NBEAL2: variants seen among roughly 807,000 people sequenced by gnomAD.
NBEAL2 encodes neurobeachin-like protein 2.
NBEAL2 carries 160 observed loss-of-function variants against 299.8 expected under a neutral mutation model. The observed-to-expected ratio is 0.53, with a 90% CI of 0.47 to 0.61. The LOEUF (loss-of-function observed/expected upper bound fraction) is 0.61, where lower values mean the gene tolerates loss of function less well. Ranked by LOEUF, NBEAL2 falls within the 20% of genes least tolerant of loss-of-function variation. The pLI, the probability that NBEAL2 is intolerant of heterozygous loss-of-function variation, is 0.00. For synonymous variants in NBEAL2, 1,493 were observed against 1,542.3 expected (o/e 0.97, Z 0.75); for missense variants, 3,112 against 3,649.0 (o/e 0.85, Z 3.79).
In NBEAL2 at chr3:47,004,728, C is replaced by G; in HGVS notation, c.6294+138C>G. On this transcript the variant is annotated intron_variant, in intron 38 of 53. Coordinates refer to ENST00000450053, the MANE Select transcript of NBEAL2 (RefSeq NM_015175.3). This position sits in a 1 kb window ranked among gnomAD's most constrained non-coding sequence, Gnocchi z 5.0. ...AGATGTGCCAATGAAGACCTGGCCT[C>G]TGTTCCCTGCCAACCCCCAGAGGTC... is the stretch of plus-strand genomic sequence containing the variant. The G allele has an allele frequency of 1.1e-6, 1 of 905,508 alleles. No individual in the cohort carries two copies. Among genetic ancestry groups the G allele is most frequent in the Non-Finnish European group, 1.7e-6 (1 of 579,348 alleles). The allele number at this position is 905,508 out of a possible 1,614,324, so 56.1% of individuals were successfully genotyped here. A position where few individuals can be genotyped will look rare whatever the true frequency, so the allele number is the denominator to read the frequency against.
In NBEAL2 at chr3:46,996,572, T is replaced by G; in HGVS notation, c.2453T>G (p.Leu818Arg). Residue 818 changes from leucine (L) to arginine (R), a missense_variant, in exon 16 of 54, where the codon CTG becomes CGG. Leu to Arg is a moderately radical substitution (Grantham distance 102, BLOSUM62 -2). Around this residue, in one of 3 missense-constraint regions of NBEAL2, gnomAD observed 2,243 missense variants for 2,538.1 expected, o/e 0.88. Transcript: ENST00000450053. Reference sequence around the variant, plus strand: ...CACGAAGCCCTGCAGGCGACGGCTCTGAGGACCCTGTGCACCCTGGGTATG... The same window carrying G: ...CACGAAGCCCTGCAGGCGACGGCTCGGAGGACCCTGTGCACCCTGGGTATG... ...IFHEALQATALRTLCTLGPNE... is the reference protein window; with the variant it reads ...IFHEALQATARRTLCTLGPNE... The G allele has an allele frequency of 6.5e-7, 1 of 1,534,630 alleles. No individual in the cohort carries two copies. Among genetic ancestry groups the G allele is most frequent in the African/African-American group, 1.4e-5 (1 of 72,960 alleles).
intron 9 of NBEAL2, 74 bp from the exon 10 acceptor site, chr3:46,992,401 C>A: frequency 7.1e-7 from 1 of 1,407,848 alleles, no homozygotes; most frequent in Non-Finnish European, 9.8e-7. Flanking sequence ...TGGTCCTGCT[C>A]TAACCCCACC....
chr3:47,000,915 G>A lies in NBEAL2; in HGVS notation c.4306-86G>A. 1 of 1,536,574 alleles carries A rather than the reference G, an allele frequency of 6.5e-7. No individual in the cohort carries two copies. ...CCTGGGTGGCTACCCCAGGAGGGGT[G>A]CTGAGTGGGGATGGGTGGGCGTCAG... On this transcript the variant is annotated intron_variant, in intron 27 of 53. Transcript: ENST00000450053. This position sits in a 1 kb window ranked among gnomAD's most constrained non-coding sequence, Gnocchi z 4.5.
Position 47,002,264 on chromosome 3 carries a change from A to C in NBEAL2, c.5127A>C (p.Glu1709Asp), listed in dbSNP as rs776679703. ...TCCAGGCTTTTTGTGCCACACCCGA[A>C]TGGCGCCACTTCATCGACAAACAGG... ...EDFQAFCATPEWRHFIDKQVQ... is the reference protein window; with the variant it reads ...EDFQAFCATPDWRHFIDKQVQ... The change falls in exon 31 of 54, where the codon GAA becomes GAC. Residue 1709 changes from glutamate (E) to aspartate (D), a missense_variant. Coordinates refer to ENST00000450053, the MANE Select transcript of NBEAL2 (RefSeq NM_015175.3). The C allele has an allele frequency of 6.4e-7, 1 of 1,562,994 alleles. No individual in the cohort carries two copies. Among genetic ancestry groups the C allele is most frequent in the Admixed American group, 1.9e-5 (1 of 54,038 alleles).
chr3:46,984,167 G>A (rs899146200), intron 1 of NBEAL2, among the ~76,000 whole-genome samples: 12 of 148,150 alleles, frequency 8.1e-5, no homozygotes, highest in African/African-American at 2.2e-4. Flanking sequence ...TTAGCCAGGC[G>A]TGATGGCGAG....
rs372870343 is a variant in NBEAL2 at position 47,007,882 on chromosome 3, C to A, written c.7574C>A (p.Thr2525Lys). 5.6e-6 allele frequency: 9 copies of A among 1,613,392 alleles called. No individual in the cohort carries two copies. The African/African-American group carries it at 8.0e-5, about 14-fold the overall frequency. Reference protein sequence around the residue: ...IYLISGSRDTTCMVWRLLHQG... With the variant: ...IYLISGSRDTKCMVWRLLHQG... ...CTCATCTCAGGCTCCCGGGACACCACGTGCATGGTGTGGCGGCTCCTGCAT... is the reference window on the plus strand; with the variant it reads ...CTCATCTCAGGCTCCCGGGACACCAAGTGCATGGTGTGGCGGCTCCTGCAT... Residue 2525 changes from threonine (T) to lysine (K), a missense_variant, in exon 49 of 54, where the codon ACG becomes AAG. Physicochemically the swap from Thr to Lys is moderately conservative, Grantham distance 78 (BLOSUM62 -1). Coordinates refer to ENST00000450053, the MANE Select transcript of NBEAL2 (RefSeq NM_015175.3).
rs2037201300 is a variant in NBEAL2 at position 47,003,684 on chromosome 3, A to C, written c.5721-132A>C. The C allele has an allele frequency of 2.4e-6, 3 of 1,225,888 alleles. No individual in the cohort carries two copies. Among genetic ancestry groups the C allele is most frequent in the Non-Finnish European group, 3.3e-6 (3 of 898,228 alleles). The allele number at this position is 1,225,888 out of a possible 1,614,324, so 75.9% of individuals were successfully genotyped here. On this transcript the variant is annotated intron_variant, in intron 35 of 53. Transcript: ENST00000450053. This position sits in a 1 kb window ranked among gnomAD's most constrained non-coding sequence, Gnocchi z 7.0. ...CTGGGACCAGTAGGTTCTGGACCCTAGGCAGCCCCTCCCCATCTCTGGGAG... is the reference window on the plus strand; with the variant it reads ...CTGGGACCAGTAGGTTCTGGACCCTCGGCAGCCCCTCCCCATCTCTGGGAG...
Position 46,998,195 on chromosome 3 carries a change from C to G in NBEAL2, c.3087C>G (p.Leu1029=), listed in dbSNP as rs373998295. 6 of 1,610,462 alleles carry G rather than the reference C, an allele frequency of 3.7e-6. No homozygotes were observed. The highest frequency in any genetic ancestry group is 5.1e-6 in the Non-Finnish European group (6 of 1,178,550). The change falls in exon 21 of 54, where the codon CTC becomes CTG. Residue 1029 remains leucine, a synonymous_variant. Coordinates refer to ENST00000450053, the MANE Select transcript of NBEAL2 (RefSeq NM_015175.3). ...AGCATTTGCTCTTCAACTTTCACCT[C>G]TGGACCCTCAGTGACTTCGCCGTGC... ...LYQHLLFNFH[L]WTLSDFAVRL... is the part of the protein sequence containing the mutation.
In NBEAL2 at chr3:47,007,888, T is replaced by C. The variant is rs767213722; in HGVS notation, c.7580T>C (p.Met2527Thr). 6.2e-7 allele frequency: 1 copy of C among 1,613,354 alleles called. No individual in the cohort carries two copies. The highest frequency in any genetic ancestry group is 1.1e-5 in the South Asian group (1 of 90,942). The part of the protein sequence containing the change: ...LISGSRDTTC[M>T]VWRLLHQGGL... ...TCAGGCTCCCGGGACACCACGTGCA[T>C]GGTGTGGCGGCTCCTGCATCAGGTG... Residue 2527 changes from methionine to threonine, a missense_variant, in exon 49 of 54, where the codon ATG becomes ACG. By Grantham distance (81) the Met-to-Thr change is moderately conservative (BLOSUM62 -1). Around this residue, in one of 3 missense-constraint regions of NBEAL2, gnomAD observed 348 missense variants for 381.4 expected, o/e 0.91. Coordinates refer to ENST00000450053, the MANE Select transcript of NBEAL2 (RefSeq NM_015175.3).
At position 46,999,957 on chromosome 3, in the gene NBEAL2, T is replaced by C. The variant is rs1420814186; in HGVS notation, c.3858T>C (p.Asp1286=). 1 of 1,611,804 alleles carries C rather than the reference T, an allele frequency of 6.2e-7. No individual in the cohort carries two copies. Among genetic ancestry groups the C allele is most frequent in the South Asian group, 1.1e-5 (1 of 91,068 alleles). ...TGGCCCGACAGGCTGGCTGGCAAGATGTGCTGACCCGGCTATATGTCCTGG... is the reference window on the plus strand; with the variant it reads ...TGGCCCGACAGGCTGGCTGGCAAGACGTGCTGACCCGGCTATATGTCCTGG... ...RLLARQAGWQ[D]VLTRLYVLEA... Residue 1286 remains aspartate (D), a synonymous_variant, in exon 27 of 54, where the codon GAT becomes GAC. Transcript: ENST00000450053.
At position 46,991,965 on chromosome 3, in the gene NBEAL2, G is replaced by C. The variant is rs1368685889; in HGVS notation, c.1032+19G>C. 1 of 1,572,680 alleles carries C rather than the reference G, an allele frequency of 6.4e-7. No individual in the cohort carries two copies. The highest frequency in any genetic ancestry group is 1.4e-5 in the African/African-American group (1 of 73,942). ...CAGCAAGGTGGGTAGGGCCCAGCCT[G>C]GGGGTGAGGGTCTGGAAGCCAGAGG... On this transcript the variant is annotated intron_variant, in intron 9 of 53. Coordinates refer to ENST00000450053, the MANE Select transcript of NBEAL2 (RefSeq NM_015175.3). This position sits in a 1 kb window ranked among gnomAD's most constrained non-coding sequence, Gnocchi z 6.2.
At chr3:46,980,062 A>G (rs1489551670) in intron 1 of NBEAL2, 150 bp downstream of exon 1, 1 of 157,934 alleles carries the variant, frequency 6.3e-6, no homozygotes, top group Non-Finnish European at 1.4e-5. Flanking sequence ...CCGGCTCCGC[A>G]CACACGTGTG....
At chr3:47,006,979 C>A (rs1165698636) in intron 45 of NBEAL2, 87 bp from the exon 46 acceptor site, 2 of 1,120,018 alleles carry the variant, frequency 1.8e-6, no homozygotes, top group East Asian at 2.5e-5. Flanking sequence ...TGGGGACTGA[C>A]AGTAAAGGAA....
In NBEAL2 at chr3:47,000,525, G is replaced by A; in HGVS notation, c.4305+121G>A. The stretch of plus-strand genomic sequence containing the variant: ...CTGTCTGACCAGGGTTGCAGCCACT[G>A]GTCAGGCCTATTGCTGTCCCCTCAT... On this transcript the variant is annotated intron_variant, in intron 27 of 53. Transcript: ENST00000450053. This position sits in a 1 kb window ranked among gnomAD's most constrained non-coding sequence, Gnocchi z 4.5. 1 of 1,290,668 alleles carries A rather than the reference G, an allele frequency of 7.7e-7. No homozygotes were observed. Among genetic ancestry groups the A allele is most frequent in the South Asian group, 1.5e-5 (1 of 67,008 alleles). The allele number at this position is 1,290,668 out of a possible 1,614,324, so 80.0% of individuals were successfully genotyped here. A position where few individuals can be genotyped will look rare whatever the true frequency, so the allele number is the denominator to read the frequency against.
At chr3:46,993,757 C>T (rs2036273394) in intron 10 of NBEAL2, among the ~76,000 whole-genome samples, 180 bp from the exon 11 acceptor site, 1 of 152,154 alleles carries the variant, frequency 6.6e-6, no homozygotes, top group Admixed American at 6.5e-5. Context: ...GGCCCTAGGT[C>T]ATGATAGGGT....
At position 47,002,625 on chromosome 3, in the gene NBEAL2, A is replaced by G; in HGVS notation, c.5302-20A>G. Reference sequence around the variant, plus strand: ...AGGGCAGGCAGCAGCCAGGGGACTGACCTATTACCCCCACCCCAGGAGCTG... The same window carrying G: ...AGGGCAGGCAGCAGCCAGGGGACTGGCCTATTACCCCCACCCCAGGAGCTG... On this transcript the variant is annotated intron_variant, in intron 32 of 53. Transcript: ENST00000450053. 1 of 1,608,404 alleles carries G rather than the reference A, an allele frequency of 6.2e-7. No individual in the cohort carries two copies. The highest frequency in any genetic ancestry group is 8.5e-7 in the Non-Finnish European group (1 of 1,178,258).
chr3:47,008,420 G>C lies in NBEAL2; in HGVS notation c.7857G>C (p.Ala2619=). The change falls in exon 51 of 54, where the codon GCG becomes GCC. Residue 2619 remains alanine, a synonymous_variant. Coordinates refer to ENST00000450053, the MANE Select transcript of NBEAL2 (RefSeq NM_015175.3). ...SEGQIVVQSS[A]WERPGAQVTY... ...GCCAGATTGTGGTACAGAGCTCAGC[G>C]TGGGAACGTCCTGGGGCCCAGGTAT... is the stretch of plus-strand genomic sequence containing the variant. 1.2e-6 allele frequency: 2 copies of C among 1,613,446 alleles called. No individual in the cohort carries two copies. Among genetic ancestry groups the C allele is most frequent in the South Asian group, 2.2e-5 (2 of 91,084 alleles).
rs752122504 is a variant in NBEAL2, at chr3:47,004,219, G to A, written c.6024G>A (p.Thr2008=). 2.2e-5 allele frequency: 36 copies of A among 1,613,590 alleles called. No homozygotes were observed. Among genetic ancestry groups the A allele is most frequent in the South Asian group, 2.0e-4 (18 of 91,088 alleles). Residue 2008 remains threonine, a synonymous_variant, in exon 37 of 54, where the codon ACG becomes ACA. Transcript: ENST00000450053. The surrounding 1 kb of genome is among the most constrained non-coding windows in gnomAD (Gnocchi z 5.0). Reference sequence around the variant, plus strand: ...TCAACTTCCCATGCAAGGTGGGCACGACCCCAGTCTCATCTCCTAGCCAGA... The same window carrying A: ...TCAACTTCCCATGCAAGGTGGGCACAACCCCAGTCTCATCTCCTAGCCAGA... ...YFLNFPCKVG[T]TPVSSPSQTP...
rs1575611729 is a variant in NBEAL2, at chr3:47,000,713, C to T, written c.4306-288C>T. Among the ~76,000 whole-genome samples the T allele has an allele frequency of 6.6e-6, 1 of 152,342 alleles. No homozygotes were observed. The highest frequency in any genetic ancestry group is 1.9e-4 in the East Asian group (1 of 5,186). On this transcript the variant is annotated intron_variant, in intron 27 of 53. Transcript: ENST00000450053. The surrounding 1 kb of genome is among the most constrained non-coding windows in gnomAD (Gnocchi z 4.5). Reference sequence around the variant, plus strand: ...GGCAGCAAACTCCAAAGGCCCTGCCCTGGGCTTCTGGGTTTGGGGATGGGC... The same window carrying T: ...GGCAGCAAACTCCAAAGGCCCTGCCTTGGGCTTCTGGGTTTGGGGATGGGC...
Sources: allele counts gnomAD v4.1 joint callset (sites outside exome capture counted in the v4.1 genomes callset), GRCh38; gene constraint gnomAD v4.1.1; regional missense constraint gnomAD v4.1.1; non-coding constraint Gnocchi (gnomAD v3.1); transcripts MANE v1.5; gene names NCBI Gene and HGNC (gene_info 2026-07-23, HGNC 2026-07-21).